The following SPRY3 variants were observed in gnomAD, a reference collection of about 807,000 sequenced individuals.
The protein encoded by SPRY3 is sprouty RTK signaling antagonist 3.
In SPRY3, 15 loss-of-function variants were observed where a neutral mutation model predicts 20.2. That is an observed-to-expected ratio of 0.74 (90% CI 0.50 to 1.14). The LOEUF is 1.14. Ranked by LOEUF, SPRY3 falls within the 50% of genes most tolerant of loss-of-function variation. The pLI is 0.00. For missense variants in SPRY3, 364 were observed against 363.9 expected, an observed-to-expected ratio of 1.00 and a Z score of 0.00; for synonymous variants, 143 against 136.5, an observed-to-expected ratio of 1.05 and a Z score of -0.33.
At chrX:155,722,904 G>A (rs1397246973) in intron 2 of SPRY3, among the ~76,000 whole-genome samples, 10 of 152,034 alleles carry the variant, frequency 6.6e-5, no homozygotes, top group Non-Finnish European at 1.5e-5. Context: ...TTTACATTAG[G>A]TATTTCTCCT....
chrX:155,759,725 G>A (rs149430454), intron 2 of SPRY3, among the ~76,000 whole-genome samples: 2,575 of 152,018 alleles, frequency 0.017, 76 homozygotes, highest in African/African-American at 0.059. Context: ...ATATGATGAC[G>A]GCAAAAATAG....
intron 2 of SPRY3, among the ~76,000 whole-genome samples, chrX:155,700,332 G>A (rs970265641): frequency 9.2e-6 from 1 of 109,058 alleles, no homozygotes; most frequent in East Asian, 2.9e-4. Context: ...ATCTTTATAA[G>A]TTAGCAATAG....
At chrX:155,709,069 GT>G (rs1321322527) in intron 2 of SPRY3, among the ~76,000 whole-genome samples, 5 of 151,478 alleles carry the variant, frequency 3.3e-5, no homozygotes, top group Non-Finnish European at 5.9e-5. Flanking sequence ...CCATTTATCA[GT>G]TGAGGGACAC....
At chrX:155,703,786 A>C (rs1398565197) in intron 2 of SPRY3, among the ~76,000 whole-genome samples, 3 of 151,612 alleles carry the variant, frequency 2.0e-5, no homozygotes, top group Non-Finnish European at 4.4e-5. Context: ...CACTGCTTTG[A>C]ATGTGTCCCA....
chrX:155,735,624 C>G (rs1422140851), intron 2 of SPRY3, among the ~76,000 whole-genome samples: 1 of 152,002 alleles, frequency 6.6e-6, no homozygotes, highest in African/African-American at 2.4e-5. Context: ...ATTGATACAG[C>G]TATTCAAGCT....
chrX:155,665,342 C>T (rs2068021468), intron 2 of SPRY3, among the ~76,000 whole-genome samples: 1 of 110,472 alleles, frequency 9.1e-6, no homozygotes, highest in Non-Finnish European at 1.9e-5. Flanking sequence ...ATATACATAC[C>T]CACTTCTAGG....
At chrX:155,612,776 A>G (rs1252733203) in intron 1 of SPRY3, 129 bp downstream of exon 1, 2 of 112,010 alleles carry the variant, frequency 1.8e-5, no homozygotes, top group African/African-American at 6.5e-5. Flanking sequence ...TCCCTGACCC[A>G]CGGGACGGAA....
Position 155,677,827 on chromosome X carries a change from A to T in SPRY3, c.-282+20802A>T, listed in dbSNP as rs140513349. Among the ~76,000 whole-genome samples the T allele has an allele frequency of 6.8e-3, 759 of 111,634 alleles. 6 individuals are homozygous for T. The highest frequency in any genetic ancestry group is 0.023 in the African/African-American group (719 of 30,744). On this transcript the variant is annotated intron_variant, in intron 2 of 3. Coordinates refer to ENST00000675360, the Ensembl canonical transcript of SPRY3. ...TGCTCCATTGTGTATCTGGGGAGTC[A>T]TTCCAATAAATGTTTATCAGAGCAG...
At chrX:155,673,811 A>G (rs1224269070) in intron 2 of SPRY3, among the ~76,000 whole-genome samples, 1 of 112,170 alleles carries the variant, frequency 8.9e-6, no homozygotes, top group East Asian at 2.8e-4. Context: ...CTCTTTGCCT[A>G]TAGTCGATTC....
intron 2 of SPRY3, among the ~76,000 whole-genome samples, chrX:155,715,831 C>T (rs1219467804): frequency 6.6e-6 from 1 of 152,142 alleles, no homozygotes; most frequent in African/African-American, 2.4e-5. Flanking sequence ...CTTTATTCTC[C>T]ATTGTGACAG....
intron 2 of SPRY3, among the ~76,000 whole-genome samples, chrX:155,693,969 G>C (rs2068111006): frequency 9.0e-6 from 1 of 111,136 alleles, no homozygotes; most frequent in Non-Finnish European, 1.9e-5. Context: ...ACCACACCTG[G>C]CTAATTTTTA....
At chrX:155,705,781 G>A (rs998003581) in intron 2 of SPRY3, among the ~76,000 whole-genome samples, 2 of 151,298 alleles carry the variant, frequency 1.3e-5, no homozygotes, top group Non-Finnish European at 3.0e-5. Flanking sequence ...AGACATACAT[G>A]ATGATGAAGG....
intron 1 of SPRY3, among the ~76,000 whole-genome samples, chrX:155,618,376 G>C (rs1185085081): frequency 9.1e-6 from 1 of 110,399 alleles, no homozygotes; most frequent in Non-Finnish European, 1.9e-5. Context: ...TTATTGTTGA[G>C]TGGTGTTTCA....
At chrX:155,774,516 T>A in exon 4 of SPRY3, 1 of 1,614,016 alleles carries the variant, frequency 6.2e-7, no homozygotes, top group Non-Finnish European at 8.5e-7. Context: ...CTTGTGGGCC[T>A]AGTTCTTGCT....
intron 2 of SPRY3, among the ~76,000 whole-genome samples, chrX:155,718,188 C>T (rs938393974): frequency 1.4e-5 from 2 of 140,722 alleles, no homozygotes; most frequent in African/African-American, 5.8e-5. Flanking sequence ...AGAGGATTTG[C>T]TGAAGGCTTC....
exon 4 of SPRY3, chrX:155,773,821 A>G (rs1344563836): frequency 6.3e-7 from 1 of 1,576,812 alleles, no homozygotes; most frequent in South Asian, 1.2e-5. Context: ...CTTTATCACC[A>G]TAAGTGCCAC....
chrX:155,674,720 C>A (rs1241475705), intron 2 of SPRY3, among the ~76,000 whole-genome samples: 4 of 109,761 alleles, frequency 3.6e-5, no homozygotes, highest in South Asian at 3.9e-4. Flanking sequence ...CTTTTTTTTT[C>A]ATATATGAAG....
chrX:155,716,389 T>C (rs2091022765), intron 2 of SPRY3, among the ~76,000 whole-genome samples: 2 of 152,288 alleles, frequency 1.3e-5, no homozygotes, highest in South Asian at 2.1e-4. Flanking sequence ...TTTCATCTAG[T>C]TCTTTAAAGA....
At chrX:155,723,966 G>A (rs1274736205) in intron 2 of SPRY3, among the ~76,000 whole-genome samples, 1 of 152,142 alleles carries the variant, frequency 6.6e-6, no homozygotes, top group Non-Finnish European at 1.5e-5. Flanking sequence ...TTTGTGTAAG[G>A]TGTAAGGAAG....
Sources: gnomAD v4.1 joint callset for allele counts (sites outside exome capture counted in the v4.1 genomes callset) on GRCh38, gnomAD v4.1.1 for gene constraint, MANE v1.5 for transcripts, NCBI Gene and HGNC (gene_info 2026-07-23, HGNC 2026-07-21) for gene names.